VPS13B: variants seen among roughly 807,000 people sequenced by gnomAD.
VPS13B encodes intermembrane lipid transfer protein VPS13B.
Under a neutral mutation model 426.4 loss-of-function variants are expected in VPS13B, and 285 were observed. That is an observed-to-expected ratio of 0.67 (90% CI 0.61 to 0.74). The LOEUF (loss-of-function observed/expected upper bound fraction) is 0.74, where lower values mean the gene tolerates loss of function less well. Ranked by LOEUF, VPS13B falls within the 30% of genes least tolerant of loss-of-function variation. VPS13B has a pLI of 0.00. For synonymous variants in VPS13B, 1,676 were observed against 1,676.4 expected, an observed-to-expected ratio of 1.00 and a Z score of 0.01; for missense variants, 4,537 against 4,782.6, an observed-to-expected ratio of 0.95 and a Z score of 1.51.
At chr8:99,614,421 G>T (rs551650467) in intron 33 of VPS13B, among the ~76,000 whole-genome samples, 32 of 151,906 alleles carry the variant, frequency 2.1e-4, no homozygotes, top group Non-Finnish European at 3.8e-4. Context: ...GGGATTACAG[G>T]CATATGCCAC....
intron 19 of VPS13B, among the ~76,000 whole-genome samples, chr8:99,364,693 A>G (rs930247257): frequency 2.0e-5 from 3 of 152,180 alleles, no homozygotes; most frequent in Non-Finnish European, 4.4e-5. Flanking sequence ...TCGGCCTCCC[A>G]GAGTGCTGGG....
At position 99,013,857 on chromosome 8, in the gene VPS13B, G is replaced by C. The variant is rs570877761; in HGVS notation, c.69G>C (p.Pro23=). ...ATCGCTACATCAAGAACTTAAAGCC[G>C]TCGGATCTACAGCTTTCACTATGGG... The part of the protein sequence containing the change: ...YVNRYIKNLK[P]SDLQLSLWGG... The change falls in exon 2 of 62, where the codon CCG becomes CCC. Residue 23 remains proline (P), a synonymous_variant. Coordinates refer to ENST00000357162, the MANE Select transcript of VPS13B (RefSeq NM_152564.5). The C allele has an allele frequency of 6.2e-7, 1 of 1,614,012 alleles. No homozygotes were observed.
At chr8:99,248,481 C>T (rs1265595538) in intron 17 of VPS13B, among the ~76,000 whole-genome samples, 5 of 151,834 alleles carry the variant, frequency 3.3e-5, no homozygotes, top group African/African-American at 7.3e-5. Context: ...TTGTAATGTA[C>T]AATAACTCTC....
chr8:99,562,488 C>T (rs1824980842), intron 31 of VPS13B, among the ~76,000 whole-genome samples: 1 of 152,136 alleles, frequency 6.6e-6, no homozygotes, highest in Non-Finnish European at 1.5e-5. Context: ...CCCAGGTTGG[C>T]CAGGCTGGCC....
At chr8:99,730,694 T>C (rs1355232911) in intron 39 of VPS13B, among the ~76,000 whole-genome samples, 1 of 151,256 alleles carries the variant, frequency 6.6e-6, no homozygotes, top group African/African-American at 2.4e-5. Flanking sequence ...CAGGTACAGG[T>C]ACCTCCTGAA....
At chr8:99,200,610 G>A (rs1814255898) in intron 17 of VPS13B, among the ~76,000 whole-genome samples, 1 of 151,898 alleles carries the variant, frequency 6.6e-6, no homozygotes, top group Non-Finnish European at 1.5e-5. Flanking sequence ...GTGTGAAGTG[G>A]CATCATTATG....
chr8:99,171,141 A>T (rs1462631868), intron 16 of VPS13B, among the ~76,000 whole-genome samples: 2 of 151,902 alleles, frequency 1.3e-5, no homozygotes, highest in Non-Finnish European at 2.9e-5. Context: ...ATAAAGTGAA[A>T]CCATTATTAA....
At chr8:99,054,964 C>G (rs1453772017) in intron 3 of VPS13B, among the ~76,000 whole-genome samples, 2 of 151,366 alleles carry the variant, frequency 1.3e-5, no homozygotes, top group African/African-American at 2.4e-5. Context: ...TAAGCCTGAA[C>G]AACACTATTT....
At chr8:99,085,954 G>A (rs181652870) in intron 3 of VPS13B, among the ~76,000 whole-genome samples, 7 of 152,166 alleles carry the variant, frequency 4.6e-5, no homozygotes, top group East Asian at 1.9e-4. Flanking sequence ...TGCTCTTCTC[G>A]AGGAGTATCT....
chr8:99,179,830 A>AT (rs553103645), intron 16 of VPS13B, among the ~76,000 whole-genome samples: 194 of 149,186 alleles, frequency 1.3e-3, no homozygotes, highest in South Asian at 3.2e-3. Flanking sequence ...AACAATTTCA[A>AT]TTTTTTTTTT....
rs1480962677 is a variant in VPS13B at position 99,868,880 on chromosome 8, G to A, written c.11392+415G>A. On this transcript the variant is annotated intron_variant, in intron 59 of 61. Transcript: ENST00000357162. The stretch of plus-strand genomic sequence containing the variant: ...TGTGGATGTGCACATGGGTCTTTGG[G>A]TGTGGGTGGCCTTCTCACCCACAGA... 2.0e-5 allele frequency among the ~76,000 whole-genome samples: 3 copies of A among 152,218 alleles called. No individual in the cohort carries two copies. In the East Asian group the frequency reaches 5.8e-4, roughly 29 times the overall value.
chr8:99,281,979 CT>C (rs1433309969), intron 19 of VPS13B, among the ~76,000 whole-genome samples: 1 of 152,080 alleles, frequency 6.6e-6, no homozygotes, highest in Non-Finnish European at 1.5e-5. Flanking sequence ...ATTTCAGCTG[CT>C]TCTTAAATAT....
At chr8:99,808,204 G>T (rs1431265246) in intron 43 of VPS13B, among the ~76,000 whole-genome samples, 1 of 152,118 alleles carries the variant, frequency 6.6e-6, no homozygotes, top group Admixed American at 6.6e-5. Context: ...GTTTGCATAT[G>T]ATATAAATAT....
chr8:99,233,900 T>C, intron 17 of VPS13B: 1 of 788,120 alleles, frequency 1.3e-6, no homozygotes, highest in Non-Finnish European at 2.3e-6. Context: ...AGAAGTCCCC[T>C]CTGGGGTGGC....
chr8:99,430,889 T>C (rs1817069168), intron 21 of VPS13B, among the ~76,000 whole-genome samples: 2 of 152,110 alleles, frequency 1.3e-5, no homozygotes, highest in Non-Finnish European at 2.9e-5. Flanking sequence ...TGGCTACTTT[T>C]GTAGTTTTAG....
At chr8:99,766,727 G>A (rs768418864) in intron 39 of VPS13B, 47 bp from the exon 40 acceptor site, 1 of 1,478,810 alleles carries the variant, frequency 6.8e-7, no homozygotes, top group Non-Finnish European at 9.3e-7. Flanking sequence ...AAATATAAAA[G>A]CATAGTTTCT....
intron 12 of VPS13B, among the ~76,000 whole-genome samples, chr8:99,141,880 T>TAAAAAA (rs371079413): frequency 9.1e-6 from 1 of 109,952 alleles, no homozygotes; most frequent in Admixed American, 9.1e-5. Flanking sequence ...CTGTCTCTAC[T>TAAAAAA]AAAAAAAAAA....
chr8:99,503,409 G>T, intron 27 of VPS13B, among the ~76,000 whole-genome samples: 1 of 152,072 alleles, frequency 6.6e-6, no homozygotes, highest in Admixed American at 6.5e-5. Flanking sequence ...ATAAGTCAAT[G>T]ATGTCATTTG....
intron 39 of VPS13B, among the ~76,000 whole-genome samples, chr8:99,747,077 C>A (rs1473376489): frequency 6.6e-6 from 1 of 152,056 alleles, no homozygotes; most frequent in Non-Finnish European, 1.5e-5. Flanking sequence ...TTCAGAGCAG[C>A]AAGCTGATGT....
Sources: gnomAD v4.1 joint callset for allele counts (sites outside exome capture counted in the v4.1 genomes callset) on GRCh38, gnomAD v4.1.1 for gene constraint, MANE v1.5 for transcripts, NCBI Gene and HGNC (gene_info 2026-07-23, HGNC 2026-07-21) for gene names.